The following ELK4 variants were observed in gnomAD, a reference collection of about 807,000 sequenced individuals.
ELK4 encodes ETS transcription factor ELK4, also known as ETS domain-containing protein Elk-4.
In ELK4, 16 loss-of-function variants were observed where a neutral mutation model predicts 29.6. The ratio of observed to expected loss-of-function variants is 0.54; its 90% CI spans 0.37 to 0.82. The LOEUF is 0.82. Ranked by LOEUF, ELK4 falls within the 40% of genes least tolerant of loss-of-function variation. The pLI, the probability that ELK4 is intolerant of heterozygous loss-of-function variation, is 0.00. For synonymous variants in ELK4, 213 were observed against 191.1 expected (o/e 1.11, Z -0.95); for missense variants, 465 against 507.1 (o/e 0.92, Z 0.80).
intron 4 of ELK4, among the ~76,000 whole-genome samples, chr1:205,617,738 C>T (rs796585544): frequency 2.0e-5 from 3 of 151,948 alleles, no homozygotes; most frequent in Middle Eastern, 3.4e-3. Context: ...CTCGTCTCTA[C>T]TAAAAATACA....
chr1:205,619,342 T>C, intron 3 of ELK4: 1 of 1,070,904 alleles, frequency 9.3e-7, no homozygotes. Flanking sequence ...ATGAGTTCTT[T>C]GGTGGTAAAT....
At chr1:205,621,235 G>A (rs917707924) in intron 2 of ELK4, among the ~76,000 whole-genome samples, 3 of 144,806 alleles carry the variant, frequency 2.1e-5, no homozygotes, top group African/African-American at 7.6e-5. Context: ...AGCTGGTAAT[G>A]AGGTTCTCCA....
At position 205,612,569 on chromosome 1, in the gene ELK4, C is replaced by T. The variant is rs1437913504; in HGVS notation, c.*3977G>A. On this transcript the variant is annotated 3_prime_UTR_variant, in exon 5 of 5. Coordinates refer to ENST00000357992, the MANE Select transcript of ELK4 (RefSeq NM_001973.4). ...TTTGTGTGTTCAAAAAGGCTGGACA[C>T]TCCTTTTCTGAACCACTGCTTCAGA... The T allele has an allele frequency of 9.4e-6, 2 of 213,396 alleles. No individual in the cohort carries two copies. Among genetic ancestry groups the T allele is most frequent in the African/African-American group, 4.5e-5 (2 of 44,212 alleles). 13.2% of individuals were successfully genotyped at this position (213,396 alleles called of 1,614,324 possible).
In ELK4 at chr1:205,616,587, A is replaced by C. The variant is rs768293916; in HGVS notation, c.1255T>G (p.Ser419Ala). 6.2e-7 allele frequency: 1 copy of C among 1,614,182 alleles called. No individual in the cohort carries two copies. The highest frequency in any genetic ancestry group is 8.5e-7 in the Non-Finnish European group (1 of 1,180,024). The stretch of plus-strand genomic sequence containing the variant: ...TCTGGGGAAAATGGGCCAGGGGTGG[A>C]AGGTCCATCCAGCCCAGACAGAGTG... ...PFTLSGLDGP[S>A]TPGPFSPDLQ... Residue 419 changes from serine to alanine, a missense_variant, in exon 5 of 5, where the codon TCC becomes GCC. By Grantham distance (99) the Ser-to-Ala change is moderately conservative. This residue lies in a region of ELK4 where 80 missense variants were observed against 119.6 expected (regional missense o/e 0.67). Coordinates refer to ENST00000357992, the MANE Select transcript of ELK4 (RefSeq NM_001973.4).
chr1:205,630,190 A>G (rs1236624543), intron 1 of ELK4, among the ~76,000 whole-genome samples: 1 of 152,214 alleles, frequency 6.6e-6, no homozygotes, highest in Admixed American at 6.5e-5. Context: ...AGTTATAACA[A>G]AGGAAGAAAA....
chr1:205,622,405 T>C (rs886645930), intron 2 of ELK4, among the ~76,000 whole-genome samples: 14 of 152,210 alleles, frequency 9.2e-5, no homozygotes, highest in African/African-American at 3.4e-4. Flanking sequence ...TATGTACATA[T>C]ATGACTTTTC....
At chr1:205,619,493 G>T (rs571821173) in intron 3 of ELK4, 77 of 1,080,650 alleles carry the variant, frequency 7.1e-5, no homozygotes, top group Non-Finnish European at 8.3e-5. Flanking sequence ...TAATAATGAG[G>T]TGTGTGAAAA....
At chr1:205,623,464 C>T (rs1228714349) in intron 2 of ELK4, among the ~76,000 whole-genome samples, 1 of 151,880 alleles carries the variant, frequency 6.6e-6, no homozygotes, top group Non-Finnish European at 1.5e-5. Flanking sequence ...TGCCCACCAC[C>T]ACGCCCAGCT....
chr1:205,610,596 T>C lies in ELK4; in HGVS notation c.*5950A>G, dbSNP rs1032892617. ...GACTTTGTTTAGAGTATGTCACATGTAAGCAGTGTATTTCTAAAATGTTGG... is the reference window on the plus strand; with the variant it reads ...GACTTTGTTTAGAGTATGTCACATGCAAGCAGTGTATTTCTAAAATGTTGG... On this transcript the variant is annotated 3_prime_UTR_variant, in exon 5 of 5. Transcript: ENST00000357992. 8.7e-6 allele frequency: 2 copies of C among 230,320 alleles called. No individual in the cohort carries two copies. Among genetic ancestry groups the C allele is most frequent in the Non-Finnish European group, 1.7e-5 (2 of 116,314 alleles). The allele number at this position is 230,320 out of a possible 1,614,324, so 14.3% of individuals were successfully genotyped here.
intron 1 of ELK4, among the ~76,000 whole-genome samples, chr1:205,628,302 TAC>T (rs1302429194): frequency 6.6e-6 from 1 of 152,234 alleles, no homozygotes; most frequent in Non-Finnish European, 1.5e-5. Context: ...ACCGTTCTAC[TAC>T]AGTTTTCCCA....
At position 205,609,933 on chromosome 1, in the gene ELK4, T is replaced by C. The variant is rs1479618983; in HGVS notation, c.*6613A>G. ...AACACCCTATAAATTCCAGAAAACATAAACAAGAAATAAACCTTACTTCTC... is the reference window on the plus strand; with the variant it reads ...AACACCCTATAAATTCCAGAAAACACAAACAAGAAATAAACCTTACTTCTC... On this transcript the variant is annotated 3_prime_UTR_variant, in exon 5 of 5. Transcript: ENST00000357992. 4.4e-5 allele frequency: 10 copies of C among 229,028 alleles called. No homozygotes were observed. The highest frequency in any genetic ancestry group is 3.5e-5 in the Non-Finnish European group (4 of 115,514). 14.2% of individuals were successfully genotyped at this position (229,028 alleles called of 1,614,324 possible).
chr1:205,621,217 AAAG>A lies in ELK4; in HGVS notation c.208-382_208-380del, dbSNP rs1476443184. On this transcript the variant is annotated intron_variant, in intron 2 of 4. Transcript: ENST00000357992. ...TTAAAAAAAAAAAAAAAAAAAAAAA[AAAG>A]AAAAAGCTGGTAATGAGGTTCTCCA... Among the ~76,000 whole-genome samples, 22 of 150,562 alleles carry A rather than the reference AAAG, an allele frequency of 1.5e-4. 1 individual carries two copies. The East Asian group carries it at 4.2e-3, about 29-fold the overall frequency.
At position 205,620,116 on chromosome 1, in the gene ELK4, C is replaced by T; in HGVS notation, c.930G>A (p.Lys310=). 6.2e-7 allele frequency: 1 copy of T among 1,614,204 alleles called. No individual in the cohort carries two copies. The highest frequency in any genetic ancestry group is 8.5e-7 in the Non-Finnish European group (1 of 1,180,040). ...PKDQDSVLLE[K]DKVNNSSRSK... ...ATCTTGATGAATTATTTACTTTGTCCTTTTCTAGCAAGACTGAATCCTGGT... is the reference window on the plus strand; with the variant it reads ...ATCTTGATGAATTATTTACTTTGTCTTTTTCTAGCAAGACTGAATCCTGGT... The change falls in exon 3 of 5, where the codon AAG becomes AAA. Residue 310 remains lysine (K), a synonymous_variant. Coordinates refer to ENST00000357992, the MANE Select transcript of ELK4 (RefSeq NM_001973.4).
At chr1:205,618,146 C>T (rs1670268084) in intron 4 of ELK4, among the ~76,000 whole-genome samples, 1 of 152,080 alleles carries the variant, frequency 6.6e-6, no homozygotes, top group Non-Finnish European at 1.5e-5. Context: ...CCACCTCAGC[C>T]TCCCAAGTAG....
rs1040686144 is a variant in ELK4, at chr1:205,616,378, G to A, written c.*168C>T. On this transcript the variant is annotated 3_prime_UTR_variant, in exon 5 of 5. Coordinates refer to ENST00000357992, the MANE Select transcript of ELK4 (RefSeq NM_001973.4). ...CATTTTTATACATATAGTCCAACTT[G>A]AGTCCTATTCAAAGAGAATCCTAAA... is the stretch of plus-strand genomic sequence containing the variant. 1.7e-6 allele frequency: 1 copy of A among 575,740 alleles called. No individual in the cohort carries two copies. Among genetic ancestry groups the A allele is most frequent in the Non-Finnish European group, 3.1e-6 (1 of 323,010 alleles). 35.7% of individuals were successfully genotyped at this position (575,740 alleles called of 1,614,324 possible).
In ELK4 at chr1:205,631,997, C is replaced by T. The variant is rs1670605020; in HGVS notation, c.-375G>A. 1 of 152,048 alleles carries T rather than the reference C, an allele frequency of 6.6e-6. No homozygotes were observed. The highest frequency in any genetic ancestry group is 2.4e-5 in the African/African-American group (1 of 41,412). The allele number at this position is 152,048 out of a possible 1,614,324, so 9.4% of individuals were successfully genotyped here. A position where few individuals can be genotyped will look rare whatever the true frequency, so the allele number is the denominator to read the frequency against. ...CAAACCCCCCGACTGCTCCTGGGTC[C>T]CTCCCAGACGCCGTAGTCGCTACAC... On this transcript the variant is annotated 5_prime_UTR_variant, in exon 1 of 5. Coordinates refer to ENST00000357992, the MANE Select transcript of ELK4 (RefSeq NM_001973.4).
In ELK4 at chr1:205,608,920, A is replaced by T. The variant is rs968364565; in HGVS notation, c.*7626T>A. ...CTCTCCTGTGTTAACACTGATGGAG[A>T]CGCACTGCAATAGTCCCATGGCAGA... On this transcript the variant is annotated 3_prime_UTR_variant, in exon 5 of 5. Coordinates refer to ENST00000357992, the MANE Select transcript of ELK4 (RefSeq NM_001973.4). 5.2e-6 allele frequency: 1 copy of T among 192,684 alleles called. No individual in the cohort carries two copies. The highest frequency in any genetic ancestry group is 1.1e-5 in the Non-Finnish European group (1 of 92,178). The allele number at this position is 192,684 out of a possible 1,614,324, so 11.9% of individuals were successfully genotyped here.
chr1:205,619,621 T>C, intron 3 of ELK4: 1 of 1,308,382 alleles, frequency 7.6e-7, no homozygotes, highest in Non-Finnish European at 9.7e-7. Flanking sequence ...CCTACTGTTT[T>C]CTAACTTGAG....
chr1:205,623,754 A>G lies in ELK4; in HGVS notation c.129T>C (p.Arg43=), dbSNP rs1670398472. 4 of 1,614,048 alleles carry G rather than the reference A, an allele frequency of 2.5e-6. No individual in the cohort carries two copies. The Admixed American group carries it at 6.7e-5, about 27-fold the overall frequency. The part of the protein sequence containing the change: ...FKLLQAEEVA[R]LWGIRKNKPN... ...GCTTGTTCTTGCGAATCCCCCAGAG[A>G]CGAGCCACCTCTTCTGCCTGCAAAA... The change falls in exon 2 of 5, where the codon CGT becomes CGC. Residue 43 remains arginine, a synonymous_variant. Transcript: ENST00000357992.
Sources: gnomAD v4.1 joint callset for allele counts (sites outside exome capture counted in the v4.1 genomes callset) on GRCh38, gnomAD v4.1.1 for gene constraint, gnomAD v4.1.1 regional missense constraint, MANE v1.5 for transcripts, NCBI Gene and HGNC (gene_info 2026-07-23, HGNC 2026-07-21) for gene names.